Variants in CDIN1 observed in about 807,000 individuals in gnomAD.
CDIN1 encodes CDAN1-interacting nuclease 1.
A neutral mutation model predicts 45.3 loss-of-function variants in CDIN1; 33 were observed. That is an observed-to-expected ratio of 0.73 (90% CI 0.55 to 0.97). CDIN1 has a LOEUF of 0.97. Ranked by LOEUF, CDIN1 falls within the 50% of genes least tolerant of loss-of-function variation. CDIN1 has a pLI of 0.00. For synonymous variants in CDIN1, 118 were observed against 124.4 expected, an observed-to-expected ratio of 0.95 and a Z score of 0.34; for missense variants, 303 against 339.4, an observed-to-expected ratio of 0.89 and a Z score of 0.84.
intron 10 of CDIN1, among the ~76,000 whole-genome samples, chr15:36,726,411 C>G (rs532382637): frequency 3.9e-5 from 6 of 152,226 alleles, no homozygotes; most frequent in African/African-American, 1.4e-4. Flanking sequence ...TGACAGCCCC[C>G]CATCCTGCTC....
intron 5 of CDIN1, among the ~76,000 whole-genome samples, chr15:36,665,152 A>T (rs2041200703): frequency 6.6e-6 from 1 of 152,168 alleles, no homozygotes; most frequent in African/African-American, 2.4e-5. Context: ...CTGTTTGTAG[A>T]CTTGCTTTTT....
intron 1 of CDIN1, among the ~76,000 whole-genome samples, chr15:36,606,644 C>T (rs904292491): frequency 2.6e-5 from 4 of 152,128 alleles, no homozygotes; most frequent in Non-Finnish European, 4.4e-5. Context: ...TAATTTTCTC[C>T]CACAGCAGTT....
At chr15:36,703,109 T>C (rs960558457) in intron 8 of CDIN1, among the ~76,000 whole-genome samples, 1 of 148,450 alleles carries the variant, frequency 6.7e-6, no homozygotes, top group African/African-American at 2.5e-5. Context: ...TCCCAGCTAC[T>C]GGGGAGGCTG....
intron 10 of CDIN1, among the ~76,000 whole-genome samples, chr15:36,711,809 C>T (rs906822695): frequency 4.6e-5 from 7 of 152,076 alleles, no homozygotes; most frequent in Non-Finnish European, 7.4e-5. Context: ...CCAAGAAATG[C>T]AAGTTCAAAA....
intron 8 of CDIN1, among the ~76,000 whole-genome samples, chr15:36,703,808 A>G (rs116658197): frequency 0.019 from 2,899 of 152,224 alleles, 115 homozygotes; most frequent in African/African-American, 0.065. Context: ...TCGGCGACAC[A>G]TGGAGCTGGC....
chr15:36,741,986 T>G (rs2044256618), intron 10 of CDIN1, among the ~76,000 whole-genome samples: 1 of 152,174 alleles, frequency 6.6e-6, no homozygotes, highest in Non-Finnish European at 1.5e-5. Context: ...TTTATTTAAA[T>G]ACTTAAAAAT....
chr15:36,756,199 T>C, intron 10 of CDIN1: 1 of 451,256 alleles, frequency 2.2e-6, no homozygotes, highest in South Asian at 1.6e-5. Flanking sequence ...ATCTTAAATG[T>C]GAAATTACCA....
intron 10 of CDIN1, among the ~76,000 whole-genome samples, chr15:36,773,256 C>T (rs1000199173): frequency 1.3e-5 from 2 of 152,152 alleles, no homozygotes; most frequent in Non-Finnish European, 2.9e-5. Flanking sequence ...CTATTGGTCC[C>T]ATGGTGGATG....
rs564307306 is a variant in CDIN1 at position 36,699,521 on chromosome 15, ATCTC to A, written c.544+2143_544+2146del. Among the ~76,000 whole-genome samples, 130 of 151,102 alleles carry A rather than the reference ATCTC, an allele frequency of 8.6e-4. 2 individuals are homozygous for A. The East Asian group carries it at 0.012, about 13-fold the overall frequency. Reference sequence around the variant, plus strand: ...TGATCCTTTGCTAAGCTGAAGTAAAATCTCTCTCTCTCTCTGTTGGCTTCTAATT... The same window carrying A: ...TGATCCTTTGCTAAGCTGAAGTAAAATCTCTCTCTCTGTTGGCTTCTAATT... On this transcript the variant is annotated intron_variant, in intron 8 of 10. Coordinates refer to ENST00000566621, the MANE Select transcript of CDIN1 (RefSeq NM_001321759.2).
At chr15:36,726,743 A>G (rs1381542831) in intron 10 of CDIN1, among the ~76,000 whole-genome samples, 1 of 152,216 alleles carries the variant, frequency 6.6e-6, no homozygotes, top group Non-Finnish European at 1.5e-5. Context: ...TTGCTTGAGT[A>G]TACAGCAAAT....
At chr15:36,628,304 CAT>C (rs1343153246) in intron 1 of CDIN1, among the ~76,000 whole-genome samples, 1 of 152,166 alleles carries the variant, frequency 6.6e-6, no homozygotes, top group Admixed American at 6.5e-5. Context: ...GAAATGGAAT[CAT>C]GTGGTAGATA....
At chr15:36,795,788 G>A (rs112335626) in intron 10 of CDIN1, among the ~76,000 whole-genome samples, 2,085 of 151,884 alleles carry the variant, frequency 0.014, 45 homozygotes, top group African/African-American at 0.048. Context: ...CTGCAACCTC[G>A]AACTCCTGGG....
intron 1 of CDIN1, among the ~76,000 whole-genome samples, chr15:36,602,983 C>CAA (rs60188895): frequency 7.7e-6 from 1 of 130,106 alleles, no homozygotes. Flanking sequence ...GACTCCGTCT[C>CAA]AAAAAAAAAA....
intron 8 of CDIN1, chr15:36,702,039 A>C (rs2042664379): frequency 4.3e-6 from 3 of 702,036 alleles, no homozygotes; most frequent in Non-Finnish European, 7.8e-6. Context: ...CAGCAGGAGC[A>C]GATGAGATTT....
intron 5 of CDIN1, among the ~76,000 whole-genome samples, chr15:36,680,353 A>G (rs555032527): frequency 6.6e-5 from 10 of 152,332 alleles, no homozygotes; most frequent in African/African-American, 2.4e-4. Flanking sequence ...AAGTTAACAA[A>G]CAAAAAAGTA....
intron 5 of CDIN1, among the ~76,000 whole-genome samples, chr15:36,659,289 T>C (rs2040899132): frequency 6.6e-6 from 1 of 152,194 alleles, no homozygotes; most frequent in Admixed American, 6.5e-5. Context: ...TTCAGTACAT[T>C]TTTCTTTTTA....
At chr15:36,738,358 C>T (rs2044110087) in intron 10 of CDIN1, among the ~76,000 whole-genome samples, 1 of 152,140 alleles carries the variant, frequency 6.6e-6, no homozygotes, top group Admixed American at 6.5e-5. Flanking sequence ...ACAATTCTGT[C>T]TTTCCATTTG....
chr15:36,652,584 G>T (rs1367219494), intron 3 of CDIN1, among the ~76,000 whole-genome samples: 1 of 152,046 alleles, frequency 6.6e-6, no homozygotes, highest in Admixed American at 6.6e-5. Flanking sequence ...AAGCACATTT[G>T]CCTTGTTTTA....
At chr15:36,793,926 C>G (rs1302347221) in intron 10 of CDIN1, among the ~76,000 whole-genome samples, 2 of 151,416 alleles carry the variant, frequency 1.3e-5, no homozygotes, top group Admixed American at 6.6e-5. Context: ...CGCTAGTTAT[C>G]TGTTTACATT....
Sources: allele counts gnomAD v4.1 joint callset (sites outside exome capture counted in the v4.1 genomes callset), GRCh38; gene constraint gnomAD v4.1.1; transcripts MANE v1.5; gene names NCBI Gene and HGNC (gene_info 2026-07-23, HGNC 2026-07-21).